AHNAK: variants seen among roughly 807,000 people sequenced by gnomAD.
The protein encoded by AHNAK is AHNAK nucleoprotein, also known as neuroblast differentiation-associated protein AHNAK.
Under a neutral mutation model 37.8 loss-of-function variants are expected in AHNAK, and 23 were observed. The observed-to-expected ratio is 0.61, with a 90% CI of 0.44 to 0.86. AHNAK has a LOEUF of 0.86. Among genes scored for constraint, AHNAK ranks in the 40% least tolerant of loss-of-function variants. AHNAK has a pLI of 0.00. For synonymous variants in AHNAK, 2,481 were observed against 2,636.3 expected (o/e 0.94, Z 1.80); for missense variants, 7,411 against 7,319.4 (o/e 1.01, Z -0.46).
At chr11:62,441,248 C>T (rs991699854) in intron 5 of AHNAK, among the ~76,000 whole-genome samples, 1 of 151,868 alleles carries the variant, frequency 6.6e-6, no homozygotes, top group Non-Finnish European at 1.5e-5. Context: ...GTGATCTGCC[C>T]ACCTTGGCCT....
In AHNAK at chr11:62,532,004, T is replaced by G. The variant is rs763151468; in HGVS notation, c.2413A>C (p.Lys805Gln). 30 of 1,613,330 alleles carry G rather than the reference T, an allele frequency of 1.9e-5. No individual in the cohort carries two copies. The highest frequency in any genetic ancestry group is 3.4e-6 in the Non-Finnish European group (4 of 1,179,916). The change falls in exon 5 of 5, where the codon AAG becomes CAG. Residue 805 changes from lysine (K) to glutamine (Q), a missense_variant. Lys to Gln is a moderately conservative substitution (Grantham distance 53, BLOSUM62 1). Transcript: ENST00000378024. ...ATGTTCATCTCAGGCATCTTAAACT[T>G]GGGCCCTTTCAATTTCCCTTCTGGT... ...EEPEGKLKGPKFKMPEMNIKV... is the reference protein window; with the variant it reads ...EEPEGKLKGPQFKMPEMNIKV...
chr11:62,469,272 C>T (rs1938979645), intron 5 of AHNAK, among the ~76,000 whole-genome samples: 1 of 152,050 alleles, frequency 6.6e-6, no homozygotes, highest in African/African-American at 2.4e-5. Flanking sequence ...CAGGTGCATG[C>T]CACCACACCC....
At chr11:62,496,778 G>A (rs530795737) in intron 4 of AHNAK, among the ~76,000 whole-genome samples, 1 of 151,364 alleles carries the variant, frequency 6.6e-6, no homozygotes. Context: ...CTGAGCAGCA[G>A]AGGGAGGGAG....
rs1391428726 is a variant in AHNAK at position 62,439,664 on chromosome 11, GATTT to G, written c.443-5777_443-5774del. Among the ~76,000 whole-genome samples the G allele has an allele frequency of 3.6e-4, 46 of 126,422 alleles. 1 individual carries two copies. Among genetic ancestry groups the G allele is most frequent in the African/African-American group, 1.3e-3 (45 of 34,288 alleles). The allele number at this position is 126,422 out of a possible 152,430, so 82.9% of individuals were successfully genotyped here. A position where few individuals can be genotyped will look rare whatever the true frequency, so the allele number is the denominator to read the frequency against. Reference sequence around the variant, plus strand: ...TTTGGTTTGTTTTGGATTTTTGTGTGATTTTTTTTTTTTTTTTTTTTGAGATGGA... The same window carrying G: ...TTTGGTTTGTTTTGGATTTTTGTGTGTTTTTTTTTTTTTTTTTGAGATGGA... On this transcript the variant is annotated intron_variant, in intron 5 of 5. Transcript: ENST00000257247.
Position 62,529,205 on chromosome 11 carries a change from T to G in AHNAK, c.5212A>C (p.Lys1738Gln). The change falls in exon 5 of 5, where the codon AAG (lysine) becomes CAG (glutamine). Residue 1738 changes from lysine (K) to glutamine (Q), a missense_variant. Transcript: ENST00000378024. ...EGPEVDVNLPKADIDVSGPSV... is the reference protein window; with the variant it reads ...EGPEVDVNLPQADIDVSGPSV... ...GGTCCAGACACATCAATGTCAGCCT[T>G]TGGCAGATTCACATCCACTTCAGGG... 6.2e-7 allele frequency: 1 copy of G among 1,614,210 alleles called. No homozygotes were observed. The highest frequency in any genetic ancestry group is 1.1e-5 in the South Asian group (1 of 91,082).
chr11:62,500,890 G>C (rs1247051846), intron 4 of AHNAK, among the ~76,000 whole-genome samples: 1 of 152,212 alleles, frequency 6.6e-6, no homozygotes, highest in African/African-American at 2.4e-5. Context: ...ACAACTGGAT[G>C]TGGACATTGC....
chr11:62,506,069 C>T (rs1474890573), intron 4 of AHNAK, among the ~76,000 whole-genome samples: 4 of 144,770 alleles, frequency 2.8e-5, no homozygotes, highest in African/African-American at 5.1e-5. Context: ...ACAAGCTGGG[C>T]ATGGTGGCGC....
At chr11:62,488,358 A>C (rs1046724687) in intron 5 of AHNAK, among the ~76,000 whole-genome samples, 1 of 152,088 alleles carries the variant, frequency 6.6e-6, no homozygotes, top group Non-Finnish European at 1.5e-5. Context: ...CCACCATGTA[A>C]GCACTGGGAA....
Position 62,533,185 on chromosome 11 carries a change from G to A in AHNAK, c.1232C>T (p.Pro411Leu), listed in dbSNP as rs140181767. The A allele has an allele frequency of 1.6e-5, 24 of 1,529,822 alleles. No homozygotes were observed. The African/African-American group carries it at 3.3e-4, about 21-fold the overall frequency. 94.8% of individuals were successfully genotyped at this position (1,529,822 alleles called of 1,614,324 possible). The change falls in exon 5 of 5, where the codon CCC becomes CTC. Residue 411 changes from proline to leucine, a missense_variant. Transcript: ENST00000378024. ...GTCAGGGGCCTGAACTTCCACACTG[G>A]GGCCAGTGATGCTACCCCCAATTTG... ...APQIGGSITGPSVEVQAPDID... is the reference protein window; with the variant it reads ...APQIGGSITGLSVEVQAPDID...
Position 62,535,108 on chromosome 11 carries a change from G to A in AHNAK, c.237C>T (p.His79=). ...EVTQLLNTMG[H]HTVGLKLHRK... ...GGTGCAGCTTCAGGCCCACCGTGTGGTGCCCCATGGTGTTCAGCAGCTGGG... is the reference window on the plus strand; with the variant it reads ...GGTGCAGCTTCAGGCCCACCGTGTGATGCCCCATGGTGTTCAGCAGCTGGG... Residue 79 remains histidine (H), a synonymous_variant, in exon 4 of 5, where the codon CAC becomes CAT. Transcript: ENST00000378024. 1 of 1,613,988 alleles carries A rather than the reference G, an allele frequency of 6.2e-7. No individual in the cohort carries two copies. Among genetic ancestry groups the A allele is most frequent in the Non-Finnish European group, 8.5e-7 (1 of 1,179,916 alleles).
chr11:62,534,995 G>A lies in AHNAK; in HGVS notation c.342+8C>T. The stretch of plus-strand genomic sequence containing the variant: ...CTCAGGGCACAGATGGGCCGGCGAG[G>A]TACTCACCAGAACCACTTCAGAGCT... On this transcript the variant is annotated splice_region_variant and intron_variant, in intron 4 of 4. Transcript: ENST00000378024. 1 of 1,599,690 alleles carries A rather than the reference G, an allele frequency of 6.3e-7. No individual in the cohort carries two copies. The highest frequency in any genetic ancestry group is 1.1e-5 in the South Asian group (1 of 90,764).
rs1200879517 is a variant in AHNAK, at chr11:62,529,789, C to T, written c.4628G>A (p.Gly1543Glu). 1.9e-6 allele frequency: 3 copies of T among 1,614,026 alleles called. No homozygotes were observed. The Admixed American group carries it at 5.0e-5, about 27-fold the overall frequency. Residue 1543 changes from glycine (G) to glutamate (E), a missense_variant, in exon 5 of 5, where the codon GGA becomes GAA. Transcript: ENST00000378024. The part of the protein sequence containing the change: ...NLPKADLGVS[G>E]PKVDIDVPDV... ...TGGAACATCAATGTCCACCTTGGGT[C>T]CTGAAACACCAAGGTCAGCCTTGGG...
chr11:62,480,489 G>A (rs965974187), intron 5 of AHNAK, among the ~76,000 whole-genome samples: 9 of 151,798 alleles, frequency 5.9e-5, no homozygotes, highest in African/African-American at 1.7e-4. Flanking sequence ...GTGAAACCCC[G>A]TCTCTACTAA....
Position 62,520,778 on chromosome 11 carries a change from C to T in AHNAK, c.13639G>A (p.Asp4547Asn), listed in dbSNP as rs772089687. ...ACATCCACTTTGGGACCTTTCAGAT[C>T]TCCCTCCAGTTTAGGAACGGAAATG... Reference protein sequence around the residue: ...MDISVPKLEGDLKGPKVDVKG... With the variant: ...MDISVPKLEGNLKGPKVDVKG... The change falls in exon 5 of 5, where the codon GAT becomes AAT. Residue 4547 changes from aspartate (D) to asparagine (N), a missense_variant. By Grantham distance (23) the Asp-to-Asn change is conservative. Coordinates refer to ENST00000378024, the MANE Select transcript of AHNAK (RefSeq NM_001620.3). 3 of 1,613,984 alleles carry T rather than the reference C, an allele frequency of 1.9e-6. No homozygotes were observed. The highest frequency in any genetic ancestry group is 2.5e-6 in the Non-Finnish European group (3 of 1,179,960).
chr11:62,525,423 G>T lies in AHNAK; in HGVS notation c.8994C>A (p.Asp2998Glu). 2 of 1,613,044 alleles carry T rather than the reference G, an allele frequency of 1.2e-6. No individual in the cohort carries two copies. Among genetic ancestry groups the T allele is most frequent in the Non-Finnish European group, 1.7e-6 (2 of 1,179,752 alleles). ...CAATGTCCACTTGGGGACCCCTGAT[G>T]TCAACTTCAGGGCCCTTGAGGTCAC... ...VEGDLKGPEVDIRGPQVDIDV... is the reference protein window; with the variant it reads ...VEGDLKGPEVEIRGPQVDIDV... Residue 2998 changes from aspartate (D) to glutamate (E), a missense_variant, in exon 5 of 5, where the codon GAC (aspartate) becomes GAA (glutamate). By Grantham distance (45) the Asp-to-Glu change is conservative. Coordinates refer to ENST00000378024, the MANE Select transcript of AHNAK (RefSeq NM_001620.3).
chr11:62,526,642 T>A lies in AHNAK; in HGVS notation c.7775A>T (p.Lys2592Met). 1 of 1,613,392 alleles carries A rather than the reference T, an allele frequency of 6.2e-7. No homozygotes were observed. The highest frequency in any genetic ancestry group is 8.5e-7 in the Non-Finnish European group (1 of 1,179,874). The change falls in exon 5 of 5, where the codon AAG becomes ATG. Residue 2592 changes from lysine (K) to methionine (M), a missense_variant. By Grantham distance (95) the Lys-to-Met change is moderately conservative. Transcript: ENST00000378024. ...AGAAACATCCACATCGCCCTTCACC[T>A]TGGGACCTTTCAGATGCAAATCAAA... ...PDFDLHLKGPKVKGDVDVSLP... is the reference protein window; with the variant it reads ...PDFDLHLKGPMVKGDVDVSLP...
intron 1 of AHNAK, among the ~76,000 whole-genome samples, chr11:62,540,436 G>A (rs1435535579): frequency 6.6e-6 from 1 of 152,082 alleles, no homozygotes; most frequent in East Asian, 1.9e-4. Context: ...GAGAGAATGG[G>A]AGTGTGCTGG....
chr11:62,467,162 T>C (rs1288893821), intron 5 of AHNAK, among the ~76,000 whole-genome samples: 9 of 149,296 alleles, frequency 6.0e-5, no homozygotes, highest in Non-Finnish European at 1.2e-4. Context: ...TAGTAAACCA[T>C]GTTCATGACG....
chr11:62,445,511 A>G (rs1938405105), intron 5 of AHNAK, among the ~76,000 whole-genome samples: 1 of 152,174 alleles, frequency 6.6e-6, no homozygotes, highest in Non-Finnish European at 1.5e-5. Context: ...TCCCCAAAAC[A>G]AAGGAGGAAA....
Sources: allele counts gnomAD v4.1 joint callset (sites outside exome capture counted in the v4.1 genomes callset), GRCh38; gene constraint gnomAD v4.1.1; transcripts MANE v1.5; gene names NCBI Gene and HGNC (gene_info 2026-07-23, HGNC 2026-07-21).